The following NBEA variants were observed in gnomAD, a reference collection of about 807,000 sequenced individuals.
NBEA encodes lysosomal-trafficking regulator 2.
NBEA carries 44 observed loss-of-function variants against 343.4 expected under a neutral mutation model. The observed-to-expected ratio is 0.13, with a 90% CI of 0.10 to 0.16. NBEA has a LOEUF of 0.16. Ranked by LOEUF, NBEA falls within the 10% of genes least tolerant of loss-of-function variation. The pLI, the probability that NBEA is intolerant of heterozygous loss-of-function variation, is 1.00. For synonymous variants in NBEA, 1,175 were observed against 1,238.7 expected, an observed-to-expected ratio of 0.95 and a Z score of 1.08; for missense variants, 2,555 against 3,631.3, an observed-to-expected ratio of 0.70 and a Z score of 7.62.
intron 31 of NBEA, 124 bp downstream of exon 31, chr13:35,196,426 T>C: frequency 1.1e-6 from 1 of 919,528 alleles, no homozygotes; most frequent in African/African-American, 1.7e-5. Context: ...ACAAAGACAA[T>C]CAAAATGATG....
intron 10 of NBEA, among the ~76,000 whole-genome samples, chr13:35,094,339 T>C (rs1358444127): frequency 1.3e-5 from 2 of 152,116 alleles, no homozygotes; most frequent in East Asian, 3.9e-4. Flanking sequence ...AGTGATTTCA[T>C]GTGCTATCTT....
intron 49 of NBEA, among the ~76,000 whole-genome samples, chr13:35,635,652 A>C (rs1169718928): frequency 1.3e-5 from 2 of 152,204 alleles, no homozygotes; most frequent in Non-Finnish European, 2.9e-5. Flanking sequence ...AGGTTCAAAT[A>C]TATTTGTTAT....
At chr13:35,411,230 G>A (rs2152916993) in intron 38 of NBEA, among the ~76,000 whole-genome samples, 1 of 152,276 alleles carries the variant, frequency 6.6e-6, no homozygotes, top group South Asian at 2.1e-4. Context: ...CTCATATGCA[G>A]CCAATATGGG....
chr13:35,613,033 A>G (rs1288872794), intron 48 of NBEA, among the ~76,000 whole-genome samples: 2 of 151,084 alleles, frequency 1.3e-5, no homozygotes, highest in Non-Finnish European at 2.9e-5. Context: ...CACCTCAAAT[A>G]TTTATCATTG....
At chr13:35,368,881 A>G (rs1023063803) in intron 38 of NBEA, among the ~76,000 whole-genome samples, 2 of 151,636 alleles carry the variant, frequency 1.3e-5, no homozygotes, top group African/African-American at 4.8e-5. Flanking sequence ...ATATTAACTC[A>G]GTTCAGTATA....
intron 27 of NBEA, among the ~76,000 whole-genome samples, chr13:35,176,429 C>T (rs2070905860): frequency 6.6e-6 from 1 of 152,054 alleles, no homozygotes; most frequent in Non-Finnish European, 1.5e-5. Context: ...TAGTAGTCTA[C>T]TATGTGACTA....
intron 46 of NBEA, among the ~76,000 whole-genome samples, chr13:35,591,983 A>G (rs530351102): frequency 2.0e-5 from 3 of 152,250 alleles, no homozygotes; most frequent in East Asian, 3.9e-4. Context: ...TATCTTTGCT[A>G]TAATTGTAGT....
Position 35,058,720 on chromosome 13 carries a change from T to C in NBEA, c.1096T>C (p.Tyr366His), listed in dbSNP as rs779690119. ...MAWHVNTNDSYDKCFLGSSET... is the reference protein window; with the variant it reads ...MAWHVNTNDSHDKCFLGSSET... ...TCTTTATTACTTTTAAAAATAGAGC[T>C]ATGACAAGTGCTTTCTTGGATCATC... Residue 366 changes from tyrosine (Y) to histidine (H), a missense_variant, in exon 8 of 59, where the codon TAT becomes CAT. Around this residue, in one of 21 missense-constraint regions of NBEA, gnomAD observed 75 missense variants for 237.4 expected, o/e 0.32. Transcript: ENST00000379939. 4 of 1,574,128 alleles carry C rather than the reference T, an allele frequency of 2.5e-6. No individual in the cohort carries two copies. The highest frequency in any genetic ancestry group is 1.7e-4 in the Middle Eastern group (1 of 5,990).
chr13:35,132,087 A>G (rs571523088), intron 17 of NBEA, among the ~76,000 whole-genome samples: 1 of 152,320 alleles, frequency 6.6e-6, no homozygotes, highest in South Asian at 2.1e-4. Context: ...TACCATACTT[A>G]GGAATGTATC....
chr13:35,323,587 A>G (rs2038328177), intron 36 of NBEA, among the ~76,000 whole-genome samples: 1 of 147,916 alleles, frequency 6.8e-6, no homozygotes, highest in African/African-American at 2.5e-5. Flanking sequence ...AGGGGGAGGG[A>G]TAGCATTGGG....
At chr13:35,170,795 T>G (rs1216044520) in intron 25 of NBEA, among the ~76,000 whole-genome samples, 1 of 151,914 alleles carries the variant, frequency 6.6e-6, no homozygotes, top group Non-Finnish European at 1.5e-5. Context: ...GCCATCTCAT[T>G]TTGATACTAA....
intron 41 of NBEA, among the ~76,000 whole-genome samples, chr13:35,499,960 T>C (rs1294060688): frequency 6.6e-6 from 1 of 152,244 alleles, no homozygotes; most frequent in East Asian, 1.9e-4. Flanking sequence ...ATTAAGACTC[T>C]GAATGCACAG....
At chr13:35,594,991 A>ACAC (rs35723951) in intron 47 of NBEA, among the ~76,000 whole-genome samples, 7 of 142,782 alleles carry the variant, frequency 4.9e-5, no homozygotes, top group Admixed American at 6.9e-5. Context: ...ACACACACAC[A>ACAC]AATTGGCTTT....
At chr13:35,409,395 A>G (rs574761217) in intron 38 of NBEA, among the ~76,000 whole-genome samples, 1 of 152,194 alleles carries the variant, frequency 6.6e-6, no homozygotes, top group Non-Finnish European at 1.5e-5. Context: ...GGTGGGTACT[A>G]GGCTTAATAC....
intron 48 of NBEA, among the ~76,000 whole-genome samples, chr13:35,611,706 T>G (rs905072881): frequency 6.6e-6 from 1 of 152,228 alleles, no homozygotes; most frequent in Non-Finnish European, 1.5e-5. Context: ...TTGAGTAGTT[T>G]TTGAGATTCA....
chr13:35,315,363 A>G (rs2037645842), intron 36 of NBEA, among the ~76,000 whole-genome samples: 1 of 152,182 alleles, frequency 6.6e-6, no homozygotes, highest in South Asian at 2.1e-4. Context: ...CTGAAATTAT[A>G]CACTGGATCA....
At chr13:35,523,896 T>A (rs2077841515) in intron 41 of NBEA, among the ~76,000 whole-genome samples, 1 of 152,192 alleles carries the variant, frequency 6.6e-6, no homozygotes, top group Non-Finnish European at 1.5e-5. Context: ...ATTTTTTTTC[T>A]GCTTTTTTAA....
intron 41 of NBEA, among the ~76,000 whole-genome samples, chr13:35,486,243 A>G (rs1329589133): frequency 6.6e-6 from 1 of 152,198 alleles, no homozygotes; most frequent in East Asian, 1.9e-4. Context: ...CTTTTAAGTT[A>G]TTAATTTGTT....
intron 28 of NBEA, among the ~76,000 whole-genome samples, chr13:35,178,564 T>A (rs1242651753): frequency 6.6e-6 from 1 of 151,680 alleles, no homozygotes; most frequent in East Asian, 1.9e-4. Context: ...TGTATGTACA[T>A]ACATACGTGC....
Sources: gnomAD v4.1 joint callset for allele counts (sites outside exome capture counted in the v4.1 genomes callset) on GRCh38, gnomAD v4.1.1 for gene constraint, gnomAD v4.1.1 regional missense constraint, MANE v1.5 for transcripts, NCBI Gene and HGNC (gene_info 2026-07-23, HGNC 2026-07-21) for gene names.